The following C1orf122 variants were observed in gnomAD, a reference collection of about 807,000 sequenced individuals.
C1orf122 encodes the protein uncharacterized protein C1orf122.
C1orf122 carries 12 observed loss-of-function variants against 12.9 expected under a neutral mutation model. The ratio of observed to expected loss-of-function variants is 0.93; its 90% CI spans 0.60 to 1.51. C1orf122 has a LOEUF of 1.51. Ranked by LOEUF, C1orf122 falls within the 40% of genes most tolerant of loss-of-function variation. The pLI, the probability that C1orf122 is intolerant of heterozygous loss-of-function variation, is 0.00. For missense variants in C1orf122, 144 were observed against 162.1 expected (o/e 0.89, Z 0.61); for synonymous variants, 57 against 73.4 (o/e 0.78, Z 1.14).
rs1646752498 is a variant in C1orf122, at chr1:37,807,930, G to A, written c.-475G>A. ...GCCGTACAGCGTATCGGTGGGGACG[G>A]CCACCACGGCGCCGGCGCGCAGCTC... On this transcript the variant is annotated 5_prime_UTR_variant, in exon 1 of 3. Coordinates refer to ENST00000373042, the MANE Select transcript of C1orf122 (RefSeq NM_198446.3). The A allele has an allele frequency of 3.2e-6, 4 of 1,254,638 alleles. No homozygotes were observed. Among genetic ancestry groups the A allele is most frequent in the South Asian group, 3.0e-5 (1 of 33,484 alleles). The allele number at this position is 1,254,638 out of a possible 1,614,324, so 77.7% of individuals were successfully genotyped here.
Position 37,808,967 on chromosome 1 carries a change from G to T in C1orf122, c.238-11G>T, listed in dbSNP as rs1359867693. The T allele has an allele frequency of 6.2e-7, 1 of 1,609,874 alleles. No homozygotes were observed. Among genetic ancestry groups the T allele is most frequent in the Middle Eastern group, 1.7e-4 (1 of 6,034 alleles). ...TCCCAGCCTCACTTTTTTCCTTTCTGTTCCAACTAGAACGTCTCAGCCAAA... is the reference window on the plus strand; with the variant it reads ...TCCCAGCCTCACTTTTTTCCTTTCTTTTCCAACTAGAACGTCTCAGCCAAA... On this transcript the variant is annotated splice_polypyrimidine_tract_variant and intron_variant, in intron 2 of 2. Coordinates refer to ENST00000373042, the MANE Select transcript of C1orf122 (RefSeq NM_198446.3).
rs2148393506 is a variant in C1orf122 at position 37,809,066 on chromosome 1, A to G, written c.326A>G (p.Glu109Gly). Residue 109 changes from glutamate to glycine, a missense_variant, in exon 3 of 3, where the codon GAG (glutamate) becomes GGG (glycine). Physicochemically the swap from Glu to Gly is moderately conservative, Grantham distance 98 (BLOSUM62 -2). Transcript: ENST00000373042. The part of the protein sequence containing the change: ...FPKDAGDGAA[E>G]P ...AAGGATGCTGGCGATGGAGCTGCGG[A>G]GCCCTGACCATCCCCGAGCAGAATA... The G allele has an allele frequency of 6.2e-7, 1 of 1,613,928 alleles. No individual in the cohort carries two copies. Among genetic ancestry groups the G allele is most frequent in the South Asian group, 1.1e-5 (1 of 91,078 alleles).
rs780327233 is a variant in C1orf122 at position 37,808,193 on chromosome 1, G to A, written c.-212G>A. The A allele has an allele frequency of 4.2e-6, 6 of 1,426,532 alleles. No homozygotes were observed. In the South Asian group the frequency reaches 7.0e-5, roughly 17 times the overall value. 88.4% of individuals were successfully genotyped at this position (1,426,532 alleles called of 1,614,324 possible). On this transcript the variant is annotated 5_prime_UTR_variant, in exon 1 of 3. Transcript: ENST00000373042. ...GCGCCGGAGACATCCGCCCAGGCCC[G>A]CTTCCGGGAGGAAGTGACGCTCCCA...
Position 37,808,199 on chromosome 1 carries a change from G to C in C1orf122, c.-206G>C. 7.0e-7 allele frequency: 1 copy of C among 1,423,196 alleles called. No homozygotes were observed. Among genetic ancestry groups the C allele is most frequent in the Non-Finnish European group, 9.1e-7 (1 of 1,093,556 alleles). 88.2% of individuals were successfully genotyped at this position (1,423,196 alleles called of 1,614,324 possible). The stretch of plus-strand genomic sequence containing the variant: ...GAGACATCCGCCCAGGCCCGCTTCC[G>C]GGAGGAAGTGACGCTCCCAGCCAGC... On this transcript the variant is annotated 5_prime_UTR_variant, in exon 1 of 3. Coordinates refer to ENST00000373042, the MANE Select transcript of C1orf122 (RefSeq NM_198446.3).
rs774290695 is a variant in C1orf122, at chr1:37,809,260, G to A, written c.*187G>A. 1.5e-5 allele frequency: 12 copies of A among 801,236 alleles called. No individual in the cohort carries two copies. The East Asian group carries it at 2.9e-4, about 20-fold the overall frequency. 49.6% of individuals were successfully genotyped at this position (801,236 alleles called of 1,614,324 possible). A position where few individuals can be genotyped will look rare whatever the true frequency, so the allele number is the denominator to read the frequency against. The stretch of plus-strand genomic sequence containing the variant: ...CTTCATCCTGGCTGAAAGCAGTGCT[G>A]TGCTTTGAAATGCAGCCAATGAATA... On this transcript the variant is annotated 3_prime_UTR_variant, in exon 3 of 3. Coordinates refer to ENST00000373042, the MANE Select transcript of C1orf122 (RefSeq NM_198446.3).
Position 37,809,131 on chromosome 1 carries a change from CTG to C in C1orf122, c.*59_*60del. 6.4e-7 allele frequency: 1 copy of C among 1,570,788 alleles called. No individual in the cohort carries two copies. The highest frequency in any genetic ancestry group is 8.8e-7 in the Non-Finnish European group (1 of 1,140,474). On this transcript the variant is annotated 3_prime_UTR_variant, in exon 3 of 3. Transcript: ENST00000373042. ...CCTCCCCAGGGCCGGTGGCTGGACT[CTG>C]AACAACTCCCTTCAGTAAAGGGGCC... is the stretch of plus-strand genomic sequence containing the variant.
Position 37,808,340 on chromosome 1 carries a change from C to A in C1orf122, c.-65C>A. On this transcript the variant is annotated 5_prime_UTR_variant, in exon 1 of 3. Transcript: ENST00000373042. ...GGGGCGGGGCGCAGCCTTGCGAAGCCCTAACGCAGCGCTGGGGAGGGGGGC... is the reference window on the plus strand; with the variant it reads ...GGGGCGGGGCGCAGCCTTGCGAAGCACTAACGCAGCGCTGGGGAGGGGGGC... 2.3e-6 allele frequency: 3 copies of A among 1,283,484 alleles called. No homozygotes were observed. The highest frequency in any genetic ancestry group is 3.0e-6 in the Non-Finnish European group (3 of 1,016,576). The allele number at this position is 1,283,484 out of a possible 1,614,324, so 79.5% of individuals were successfully genotyped here.
chr1:37,808,239 A>G lies in C1orf122; in HGVS notation c.-166A>G, dbSNP rs1569829223. 1 of 1,364,288 alleles carries G rather than the reference A, an allele frequency of 7.3e-7. No homozygotes were observed. Among genetic ancestry groups the G allele is most frequent in the East Asian group, 3.1e-5 (1 of 32,334 alleles). 84.5% of individuals were successfully genotyped at this position (1,364,288 alleles called of 1,614,324 possible). ...TCCCAGCCAGCTTCCGGTCCAGGAGACTCGGCCCCGCCTCTGCGCCGGGCA... is the reference window on the plus strand; with the variant it reads ...TCCCAGCCAGCTTCCGGTCCAGGAGGCTCGGCCCCGCCTCTGCGCCGGGCA... On this transcript the variant is annotated 5_prime_UTR_variant, in exon 1 of 3. Transcript: ENST00000373042.
Position 37,809,446 on chromosome 1 carries a change from CAG to C in C1orf122, c.*375_*376del. ...AGAGCCTTGATTAAAAGGAAACCTG[CAG>C]ACTCTCCTGGTGACCGACGTTTCCT... is the stretch of plus-strand genomic sequence containing the variant. On this transcript the variant is annotated 3_prime_UTR_variant, in exon 3 of 3. Transcript: ENST00000373042. 1 of 291,998 alleles carries C rather than the reference CAG, an allele frequency of 3.4e-6. No homozygotes were observed. Among genetic ancestry groups the C allele is most frequent in the East Asian group, 1.0e-4 (1 of 9,766 alleles). The allele number at this position is 291,998 out of a possible 1,614,324, so 18.1% of individuals were successfully genotyped here. A position where few individuals can be genotyped will look rare whatever the true frequency, so the allele number is the denominator to read the frequency against.
rs1646757047 is a variant in C1orf122 at position 37,808,264 on chromosome 1, A to T, written c.-141A>T. On this transcript the variant is annotated 5_prime_UTR_variant, in exon 1 of 3. Transcript: ENST00000373042. Reference sequence around the variant, plus strand: ...ACTCGGCCCCGCCTCTGCGCCGGGCAGCTTAAAGGGACCACGACCCCCAGG... The same window carrying T: ...ACTCGGCCCCGCCTCTGCGCCGGGCTGCTTAAAGGGACCACGACCCCCAGG... 1 of 1,307,828 alleles carries T rather than the reference A, an allele frequency of 7.6e-7. No individual in the cohort carries two copies. The allele number at this position is 1,307,828 out of a possible 1,614,324, so 81.0% of individuals were successfully genotyped here.
chr1:37,808,253 C>G lies in C1orf122; in HGVS notation c.-152C>G. ...CGGTCCAGGAGACTCGGCCCCGCCTCTGCGCCGGGCAGCTTAAAGGGACCA... is the reference window on the plus strand; with the variant it reads ...CGGTCCAGGAGACTCGGCCCCGCCTGTGCGCCGGGCAGCTTAAAGGGACCA... On this transcript the variant is annotated 5_prime_UTR_variant, in exon 1 of 3. Coordinates refer to ENST00000373042, the MANE Select transcript of C1orf122 (RefSeq NM_198446.3). 1.5e-6 allele frequency: 2 copies of G among 1,337,390 alleles called. No homozygotes were observed. Among genetic ancestry groups the G allele is most frequent in the Non-Finnish European group, 1.9e-6 (2 of 1,045,948 alleles). 82.8% of individuals were successfully genotyped at this position (1,337,390 alleles called of 1,614,324 possible). A position where few individuals can be genotyped will look rare whatever the true frequency, so the allele number is the denominator to read the frequency against.
rs547067514 is a variant in C1orf122, at chr1:37,808,667, A to G, written c.172A>G (p.Ile58Val). 5.3e-5 allele frequency: 75 copies of G among 1,408,048 alleles called. No individual in the cohort carries two copies. Among genetic ancestry groups the G allele is most frequent in the Non-Finnish European group, 6.5e-5 (71 of 1,091,786 alleles). The allele number at this position is 1,408,048 out of a possible 1,614,324, so 87.2% of individuals were successfully genotyped here. Residue 58 changes from isoleucine to valine, a missense_variant, in exon 2 of 3, where the codon ATC (isoleucine) becomes GTC (valine). Physicochemically the swap from Ile to Val is conservative, Grantham distance 29 (BLOSUM62 3). Transcript: ENST00000373042. ...EQRQRQLLDT[I>V]AACEEMLRQL... ...GCGGCAGCGGCAGCTCCTGGACACC[A>G]TCGCAGCCTGCGAGGAGATGTTACG...
Position 37,807,823 on chromosome 1 carries a change from C to G in C1orf122, c.-582C>G, listed in dbSNP as rs772402590. 70 of 1,509,886 alleles carry G rather than the reference C, an allele frequency of 4.6e-5. No individual in the cohort carries two copies. Among genetic ancestry groups the G allele is most frequent in the Non-Finnish European group, 5.7e-5 (65 of 1,133,830 alleles). 93.5% of individuals were successfully genotyped at this position (1,509,886 alleles called of 1,614,324 possible). ...ACGTCGGCCACGCGGCCGAGGCATA[C>G]GGCCAGAGGCTTGGCCTCGCTGCGA... is the stretch of plus-strand genomic sequence containing the variant. On this transcript the variant is annotated 5_prime_UTR_variant, in exon 1 of 3. Transcript: ENST00000373042.
chr1:37,808,756 CTGGGGTGGGG>C, intron 2 of C1orf122, 24 bp downstream of exon 2: 2 of 1,444,122 alleles, frequency 1.4e-6, no homozygotes, highest in South Asian at 2.9e-5. Context: ...CTGGGCTGGG[CTGGGGTGGGG>C]TGGGGTCTGC....
In C1orf122 at chr1:37,809,074, C is replaced by T; in HGVS notation, c.*1C>T. On this transcript the variant is annotated 3_prime_UTR_variant, in exon 3 of 3. Transcript: ENST00000373042. ...TGGCGATGGAGCTGCGGAGCCCTGA[C>T]CATCCCCGAGCAGAATACCCTGACT... 1 of 1,613,698 alleles carries T rather than the reference C, an allele frequency of 6.2e-7. No individual in the cohort carries two copies. Among genetic ancestry groups the T allele is most frequent in the Non-Finnish European group, 8.5e-7 (1 of 1,179,970 alleles).
rs1569831101 is a variant in C1orf122 at position 37,809,071 on chromosome 1, T to C, written c.331T>C (p.Ter111ArgextTer8). 1 of 1,613,698 alleles carries C rather than the reference T, an allele frequency of 6.2e-7. No individual in the cohort carries two copies. The highest frequency in any genetic ancestry group is 1.1e-5 in the South Asian group (1 of 90,736). ...TGCTGGCGATGGAGCTGCGGAGCCC[T>C]GACCATCCCCGAGCAGAATACCCTG... ...KDAGDGAAEP[*>R] Residue 111 changes from the stop codon to arginine, a stop_lost, in exon 3 of 3, where the codon TGA (stop) becomes CGA (arginine). Coordinates refer to ENST00000373042, the MANE Select transcript of C1orf122 (RefSeq NM_198446.3).
chr1:37,808,715 G>T lies in C1orf122; in HGVS notation c.220G>T (p.Glu74Ter). The T allele has an allele frequency of 7.0e-7, 1 of 1,429,084 alleles. No homozygotes were observed. The highest frequency in any genetic ancestry group is 9.1e-7 in the Non-Finnish European group (1 of 1,104,178). The allele number at this position is 1,429,084 out of a possible 1,614,324, so 88.5% of individuals were successfully genotyped here. A position where few individuals can be genotyped will look rare whatever the true frequency, so the allele number is the denominator to read the frequency against. Reference protein sequence around the residue: ...MLRQLGRRRPEPAGGGNVSAK... With the variant: ...MLRQLGRRRP The stretch of plus-strand genomic sequence containing the variant: ...ACGGCAGCTGGGCCGCCGGCGCCCG[G>T]AGCCGGCTGGTGGCGGGGTTAGTGC... The change falls in exon 2 of 3, where the codon GAG (glutamate) becomes TAG (stop). Residue 74 changes from glutamate to a stop codon, truncating the protein, a stop_gained. Transcript: ENST00000373042. LOFTEE classifies it high-confidence loss of function.
Position 37,807,814 on chromosome 1 carries a change from C to A in C1orf122, c.-591C>A, listed in dbSNP as rs967348706. ...TACCTGTAGACGTCGGCCACGCGGC[C>A]GAGGCATACGGCCAGAGGCTTGGCC... On this transcript the variant is annotated 5_prime_UTR_variant, in exon 1 of 3. Coordinates refer to ENST00000373042, the MANE Select transcript of C1orf122 (RefSeq NM_198446.3). The A allele has an allele frequency of 5.8e-5, 87 of 1,509,666 alleles. No homozygotes were observed. The highest frequency in any genetic ancestry group is 7.6e-5 in the Non-Finnish European group (86 of 1,133,694). The allele number at this position is 1,509,666 out of a possible 1,614,324, so 93.5% of individuals were successfully genotyped here. A position where few individuals can be genotyped will look rare whatever the true frequency, so the allele number is the denominator to read the frequency against.
chr1:37,809,006 C>A lies in C1orf122; in HGVS notation c.266C>A (p.Pro89His), dbSNP rs761697015. Reference protein sequence around the residue: ...GNVSAKPGAPPQPAVSARGGF... With the variant: ...GNVSAKPGAPHQPAVSARGGF... ...GTCTCAGCCAAACCTGGAGCGCCCC[C>A]CCAGCCGGCTGTCTCCGCCAGAGGC... The change falls in exon 3 of 3, where the codon CCC becomes CAC. Residue 89 changes from proline to histidine, a missense_variant. Physicochemically the swap from Pro to His is moderately conservative, Grantham distance 77 (BLOSUM62 -2). Transcript: ENST00000373042. 90 of 1,613,810 alleles carry A rather than the reference C, an allele frequency of 5.6e-5. No homozygotes were observed. In the South Asian group the frequency reaches 9.1e-4, roughly 16 times the overall value.
Sources: allele counts gnomAD v4.1 joint callset, GRCh38; gene constraint gnomAD v4.1.1; transcripts MANE v1.5; gene names NCBI Gene and HGNC (gene_info 2026-07-23, HGNC 2026-07-21).